Variants in DIXDC1 observed in about 807,000 individuals in gnomAD.
DIXDC1 encodes DIX domain containing 1.
DIXDC1 carries 64 observed loss-of-function variants against 103.1 expected under a neutral mutation model. The observed-to-expected ratio is 0.62, with a 90% CI of 0.51 to 0.76. The LOEUF (loss-of-function observed/expected upper bound fraction) is 0.76. Ranked by LOEUF, DIXDC1 falls within the 30% of genes least tolerant of loss-of-function variation. DIXDC1 has a pLI of 0.00. For synonymous variants in DIXDC1, 266 were observed against 298.5 expected, an observed-to-expected ratio of 0.89 and a Z score of 1.12; for missense variants, 759 against 834.2, an observed-to-expected ratio of 0.91 and a Z score of 1.11.
At chr11:111,946,229 C>T (rs1387310528) in intron 1 of DIXDC1, among the ~76,000 whole-genome samples, 1 of 152,126 alleles carries the variant, frequency 6.6e-6, no homozygotes, top group African/African-American at 2.4e-5. Context: ...CTGCCTCAGC[C>T]TCCCTAGTAG....
In DIXDC1 at chr11:112,012,049, G is replaced by A. The variant is rs761432250; in HGVS notation, c.1757-4642G>A. 3.4e-4 allele frequency among the ~76,000 whole-genome samples: 52 copies of A among 152,244 alleles called. 1 individual carries two copies. Among genetic ancestry groups the A allele is most frequent in the Non-Finnish European group, 5.3e-4 (36 of 68,006 alleles). ...ACTATACTGACAAGTATAAAATAAGGATGAAATAAAGATTTAAATAAACGG... is the reference window on the plus strand; with the variant it reads ...ACTATACTGACAAGTATAAAATAAGAATGAAATAAAGATTTAAATAAACGG... On this transcript the variant is annotated intron_variant, in intron 17 of 19. Transcript: ENST00000440460.
In DIXDC1 at chr11:111,981,337, C is replaced by T. The variant is rs79303657; in HGVS notation, c.769+488C>T. On this transcript the variant is annotated intron_variant, in intron 6 of 19. Coordinates refer to ENST00000440460, the MANE Select transcript of DIXDC1 (RefSeq NM_001037954.4). ...TTCCCTTTGTTTAGACTTCCATACTCTGTCTCAGTTGCTCTTTATTTTTTC... is the reference window on the plus strand; with the variant it reads ...TTCCCTTTGTTTAGACTTCCATACTTTGTCTCAGTTGCTCTTTATTTTTTC... 3.6e-3 allele frequency among the ~76,000 whole-genome samples: 550 copies of T among 152,288 alleles called. 2 individuals carry two copies. Among genetic ancestry groups the T allele is most frequent in the African/African-American group, 0.012 (510 of 41,546 alleles).
At chr11:111,929,383 C>T (rs1442767420) in intron 1 of DIXDC1, among the ~76,000 whole-genome samples, 4 of 151,972 alleles carry the variant, frequency 2.6e-5, no homozygotes, top group Non-Finnish European at 4.4e-5. Context: ...TATTACTCTT[C>T]ACTTTATTAG....
intron 17 of DIXDC1, among the ~76,000 whole-genome samples, chr11:112,003,670 A>T (rs1300958911): frequency 2.6e-5 from 4 of 151,388 alleles, no homozygotes; most frequent in African/African-American, 9.7e-5. Context: ...GTGGTGGTGC[A>T]TGCCTGTAAT....
intron 1 of DIXDC1, among the ~76,000 whole-genome samples, chr11:111,963,650 T>C (rs1859643366): frequency 6.6e-6 from 1 of 152,226 alleles, no homozygotes; most frequent in East Asian, 1.9e-4. Flanking sequence ...ATTGTTTGTG[T>C]GATATTTTGA....
chr11:112,001,234 G>A (rs1861055320), intron 17 of DIXDC1, among the ~76,000 whole-genome samples: 1 of 152,182 alleles, frequency 6.6e-6, no homozygotes, highest in South Asian at 2.1e-4. Flanking sequence ...TATATAAAAT[G>A]TCCAGAATAG....
intron 1 of DIXDC1, among the ~76,000 whole-genome samples, chr11:111,953,412 G>A (rs1328228951): frequency 6.6e-5 from 10 of 152,088 alleles, no homozygotes; most frequent in Non-Finnish European, 8.8e-5. Flanking sequence ...CGAGGTGGGC[G>A]GATCACCTGA....
rs782334263 is a variant in DIXDC1 at position 111,995,510 on chromosome 11, T to C, written c.1635T>C (p.Ser545=). The C allele has an allele frequency of 1.5e-5, 25 of 1,613,900 alleles. No individual in the cohort carries two copies. In the Admixed American group the frequency reaches 4.2e-4, roughly 27 times the overall value. ...TTGACAGCTTGGAGCAGGGCATTTC[T>C]AGCCTCATGGAGCGCCTGCATGTTA... ...HTIDSLEQGI[S]SLMERLHVME... The change falls in exon 16 of 20, where the codon TCT becomes TCC. Residue 545 remains serine, a synonymous_variant. Transcript: ENST00000440460.
intron 1 of DIXDC1, among the ~76,000 whole-genome samples, chr11:111,962,632 G>A (rs782543966): frequency 2.6e-5 from 4 of 152,208 alleles, no homozygotes; most frequent in East Asian, 3.8e-4. Context: ...AGGCTAGCAC[G>A]TGACGAGCTT....
upstream of DIXDC1, chr11:111,937,134 G>GC: frequency 1.4e-6 from 1 of 713,828 alleles, no homozygotes; most frequent in Non-Finnish European, 1.7e-6. Context: ...GCCCGGGCGG[G>GC]GGGGGGGTGT....
At chr11:111,950,432 A>ATATATATATATATATATATATC (rs1966753882) in intron 1 of DIXDC1, among the ~76,000 whole-genome samples, 1 of 21,194 alleles carries the variant, frequency 4.7e-5, no homozygotes, top group Non-Finnish European at 7.3e-5. Context: ...ATATATATAT[A>ATATATATATATATATATATATC]TATATATTTT....
At chr11:112,013,332 T>A (rs868950370) in intron 17 of DIXDC1, among the ~76,000 whole-genome samples, 6 of 28,152 alleles carry the variant, frequency 2.1e-4, no homozygotes, top group South Asian at 4.0e-3. Context: ...GGGGGTGGGG[T>A]GGGGGGGGGG....
Position 111,966,725 on chromosome 11 carries a change from A to G in DIXDC1, c.191-1788A>G, listed in dbSNP as rs985743028. 2.6e-5 allele frequency among the ~76,000 whole-genome samples: 4 copies of G among 152,070 alleles called. No homozygotes were observed. In the East Asian group the frequency reaches 5.8e-4, roughly 22 times the overall value. ...GCCAAAACCCAGGTTCTTAAACACA[A>G]CTTTCTATTGTGACTTTGCTAGATA... On this transcript the variant is annotated intron_variant, in intron 2 of 19. Coordinates refer to ENST00000440460, the MANE Select transcript of DIXDC1 (RefSeq NM_001037954.4).
At chr11:111,954,052 G>C (rs1555170339) in intron 1 of DIXDC1, among the ~76,000 whole-genome samples, 1 of 152,136 alleles carries the variant, frequency 6.6e-6, no homozygotes, top group Non-Finnish European at 1.5e-5. Context: ...TGGACCAGGT[G>C]GGGGATGGTT....
At chr11:112,011,074 A>G (rs1555177151) in intron 17 of DIXDC1, among the ~76,000 whole-genome samples, 1 of 152,248 alleles carries the variant, frequency 6.6e-6, no homozygotes, top group Non-Finnish European at 1.5e-5. Context: ...GCTAATATCT[A>G]GAGTCTACAA....
At chr11:111,994,129 G>T (rs1420058654) in intron 14 of DIXDC1, among the ~76,000 whole-genome samples, 1 of 152,194 alleles carries the variant, frequency 6.6e-6, no homozygotes, top group East Asian at 1.9e-4. Context: ...GCTCACATCT[G>T]TAATCCTAGC....
intron 3 of DIXDC1, among the ~76,000 whole-genome samples, chr11:111,973,241 G>T (rs1158812120): frequency 6.6e-6 from 1 of 151,340 alleles, no homozygotes; most frequent in East Asian, 1.9e-4. Flanking sequence ...GCATGGTGGC[G>T]GGCACCTGTA....
intron 1 of DIXDC1, among the ~76,000 whole-genome samples, chr11:111,943,534 C>G (rs11214048): frequency 0.31 from 40,908 of 132,056 alleles, 7,252 homozygotes; most frequent in East Asian, 0.55. Flanking sequence ...GAGGCTTGCT[C>G]TGTCCCCTAG....
At chr11:111,929,583 T>TAAA (rs587666008) in intron 1 of DIXDC1, among the ~76,000 whole-genome samples, 22 of 90,614 alleles carry the variant, frequency 2.4e-4, no homozygotes, top group African/African-American at 4.6e-4. Flanking sequence ...ACCTTATCTC[T>TAAA]AAAAAAAAAA....
Sources: gnomAD v4.1 joint callset for allele counts (sites outside exome capture counted in the v4.1 genomes callset) on GRCh38, gnomAD v4.1.1 for gene constraint, MANE v1.5 for transcripts, NCBI Gene and HGNC (gene_info 2026-07-23, HGNC 2026-07-21) for gene names.